The following IKBKG variants were observed in gnomAD, a reference collection of about 807,000 sequenced individuals.
The protein encoded by IKBKG is inhibitor of nuclear factor kappa B kinase regulatory subunit gamma, also known as NF-kappa-B essential modulator.
Under a neutral mutation model 13.7 loss-of-function variants are expected in IKBKG, and 2 were observed. The observed-to-expected ratio is 0.15, with a 90% CI of 0.06 to 0.46. IKBKG has a LOEUF of 0.46. IKBKG is among the 20% of genes least tolerant of loss of function. IKBKG has a pLI of 0.98. For synonymous variants in IKBKG, 22 were observed against 64.4 expected, an observed-to-expected ratio of 0.34 and a Z score of 3.15; for missense variants, 53 against 150.3, an observed-to-expected ratio of 0.35 and a Z score of 3.39.
chrX:154,544,233 C>T (rs2070619578), upstream of IKBKG, among the ~76,000 whole-genome samples: 1 of 110,174 alleles, frequency 9.1e-6, no homozygotes. Context: ...GCGATCTCAG[C>T]TCACTGCAAC....
At chrX:154,555,473 G>A (rs1331669677) in intron 2 of IKBKG, among the ~76,000 whole-genome samples, 2 of 113,001 alleles carry the variant, frequency 1.8e-5, no homozygotes, top group African/African-American at 3.2e-5. Flanking sequence ...TTCGGAGGCC[G>A]AGGTGGGAGG....
chrX:154,547,517 A>G, upstream of IKBKG: 2 of 753,818 alleles, frequency 2.7e-6, no homozygotes, highest in African/African-American at 4.6e-5. Flanking sequence ...TTCTCTCCGG[A>G]GCGGGATGCG....
chrX:154,543,637 T>C (rs1292911123), upstream of IKBKG, among the ~76,000 whole-genome samples: 1 of 111,634 alleles, frequency 9.0e-6, no homozygotes, highest in Non-Finnish European at 1.9e-5. Flanking sequence ...ACTAAGGGTT[T>C]AACGGTCAGA....
At chrX:154,547,450 C>G (rs1201299940), upstream of IKBKG, 1 of 754,290 alleles carries the variant, frequency 1.3e-6, no homozygotes, top group East Asian at 1.5e-4. Flanking sequence ...GCAAAGTGGC[C>G]GGCGTGCTTA....
intron 2 of IKBKG, among the ~76,000 whole-genome samples, chrX:154,552,735 C>T (rs1012680671): frequency 8.0e-5 from 9 of 111,837 alleles, no homozygotes; most frequent in Non-Finnish European, 1.5e-4. Context: ...GCGCACACCT[C>T]AGCGGAGGTG....
intron 2 of IKBKG, among the ~76,000 whole-genome samples, chrX:154,552,690 G>T (rs1409660962): frequency 2.1e-4 from 23 of 110,631 alleles, no homozygotes; most frequent in African/African-American, 7.2e-4. Context: ...AAGGTGCGTG[G>T]CCCCCACAGG....
At chrX:154,550,403 C>G (rs184987535) in intron 1 of IKBKG, among the ~76,000 whole-genome samples, 1 of 97,095 alleles carries the variant, frequency 1.0e-5, no homozygotes, top group Non-Finnish European at 2.1e-5. Context: ...TAGAGAGGTT[C>G]GTTTTGAGAA....
chrX:154,551,431 C>A (rs1223244034), intron 1 of IKBKG, among the ~76,000 whole-genome samples: 1 of 111,064 alleles, frequency 9.0e-6, no homozygotes, highest in Non-Finnish European at 1.9e-5. Context: ...TGGCCTCCTC[C>A]CCTTGCGTCT....
intron 2 of IKBKG, among the ~76,000 whole-genome samples, chrX:154,554,629 C>T (rs1433051005): frequency 9.0e-6 from 1 of 111,064 alleles, no homozygotes; most frequent in African/African-American, 3.3e-5. Context: ...GTGGCGGGCA[C>T]CTATAATCCC....
intron 1 of IKBKG, chrX:154,548,221 T>C (rs2070812731): frequency 6.4e-6 from 3 of 469,728 alleles, no homozygotes; most frequent in Non-Finnish European, 7.9e-6. Context: ...TCACTATAGC[T>C]GGAGCAGAGT....
chrX:154,547,228 TG>T, upstream of IKBKG: 2 of 568,943 alleles, frequency 3.5e-6, no homozygotes, highest in Non-Finnish European at 4.3e-6. Context: ...GCCGGCAGCG[TG>T]GCCACGCCTC....
chrX:154,552,430 C>T (rs1422105850), intron 2 of IKBKG, among the ~76,000 whole-genome samples: 5 of 111,667 alleles, frequency 4.5e-5, no homozygotes, highest in African/African-American at 1.3e-4. Context: ...AGCACGCTGC[C>T]GGGTAGGCTC....
At chrX:154,549,094 C>T (rs1407027977) in intron 1 of IKBKG, among the ~76,000 whole-genome samples, 3 of 106,929 alleles carry the variant, frequency 2.8e-5, no homozygotes, top group Non-Finnish European at 5.8e-5. Context: ...TGGATTCAAG[C>T]GATTCTTCTG....
rs1305130887 is a variant in IKBKG, at chrX:154,551,888, T to G, written c.-15-100T>G. On this transcript the variant is annotated intron_variant, in intron 1 of 9. Coordinates refer to ENST00000594239, the MANE Select transcript of IKBKG (RefSeq NM_001099857.5). ...GCATCCTGATACACTAGGTGAATTATCAGCATTCTGTTTAAAATGTAGCCC... is the reference window on the plus strand; with the variant it reads ...GCATCCTGATACACTAGGTGAATTAGCAGCATTCTGTTTAAAATGTAGCCC... 5 of 626,434 alleles carry G rather than the reference T, an allele frequency of 8.0e-6. No individual in the cohort carries two copies. In the African/African-American group the frequency reaches 1.1e-4, roughly 14 times the overall value. 51.6% of individuals were successfully genotyped at this position (626,434 alleles called of 1,213,427 possible).
chrX:154,543,013 T>A (rs1157934835), upstream of IKBKG, among the ~76,000 whole-genome samples: 1 of 111,893 alleles, frequency 8.9e-6, no homozygotes, highest in Admixed American at 9.4e-5. Flanking sequence ...GATTCTAGGA[T>A]CACGTGCCCT....
chrX:154,546,264 C>T (rs782257245), upstream of IKBKG: 10 of 1,057,936 alleles, frequency 9.5e-6, no homozygotes, highest in Admixed American at 2.0e-4. Flanking sequence ...ACCAGGGTGA[C>T]ACCTGATTGC....
upstream of IKBKG, chrX:154,542,402 T>C (rs1557232175): frequency 8.3e-7 from 1 of 1,203,190 alleles, no homozygotes; most frequent in South Asian, 1.8e-5. Flanking sequence ...GGAAAGATGC[T>C]GTTCCAGGCG....
chrX:154,550,404 G>A (rs1258797492), intron 1 of IKBKG, among the ~76,000 whole-genome samples: 4 of 97,940 alleles, frequency 4.1e-5, no homozygotes, highest in East Asian at 6.2e-4. Flanking sequence ...AGAGAGGTTC[G>A]TTTTGAGAAG....
At chrX:154,554,896 A>G (rs1557235700) in intron 2 of IKBKG, among the ~76,000 whole-genome samples, 2 of 111,292 alleles carry the variant, frequency 1.8e-5, no homozygotes, top group African/African-American at 3.3e-5. Context: ...TGCCTGCCCC[A>G]TTTTATCCAG....
Sources: gnomAD v4.1 joint callset for allele counts (sites outside exome capture counted in the v4.1 genomes callset) on GRCh38, gnomAD v4.1.1 for gene constraint, MANE v1.5 for transcripts, NCBI Gene and HGNC (gene_info 2026-07-23, HGNC 2026-07-21) for gene names.